Variants in NIPBL observed in about 807,000 individuals in gnomAD.
The protein encoded by NIPBL is NIPBL cohesin loading factor.
Under a neutral mutation model 321.8 loss-of-function variants are expected in NIPBL, and 19 were observed. That is an observed-to-expected ratio of 0.06 (90% confidence interval 0.04 to 0.09). The LOEUF is 0.09. Ranked by LOEUF, NIPBL falls within the 10% of genes least tolerant of loss-of-function variation. NIPBL has a pLI of 1.00. For missense variants in NIPBL, 2,210 were observed against 3,327.0 expected, an observed-to-expected ratio of 0.66 and a Z score of 8.26; for synonymous variants, 1,106 against 1,114.1, an observed-to-expected ratio of 0.99 and a Z score of 0.14.
intron 9 of NIPBL, among the ~76,000 whole-genome samples, chr5:36,979,529 G>A (rs1743901350): frequency 1.3e-5 from 2 of 151,748 alleles, no homozygotes; most frequent in African/African-American, 2.4e-5. Context: ...TGTCATCAGT[G>A]AACAGAGATA....
At position 37,011,895 on chromosome 5, in the gene NIPBL, C is replaced by A. The variant is rs377664100; in HGVS notation, c.4560+1670C>A. Among the ~76,000 whole-genome samples, 80 of 151,936 alleles carry A rather than the reference C, an allele frequency of 5.3e-4. 1 individual carries two copies. The South Asian group carries it at 0.016, about 31-fold the overall frequency. ...TAAAGCAAAAGTTTCTGTAGATACA[C>A]TTAGAAGTAAAATTAAGATAGTATA... is the stretch of plus-strand genomic sequence containing the variant. On this transcript the variant is annotated intron_variant, in intron 21 of 46. Coordinates refer to ENST00000282516, the MANE Select transcript of NIPBL (RefSeq NM_133433.4).
Position 36,972,032 on chromosome 5 carries a change from A to G in NIPBL, c.859A>G (p.Thr287Ala). ...PVCSPAGSEGTPKGSRPPLIL... is the reference protein window; with the variant it reads ...PVCSPAGSEGAPKGSRPPLIL... The stretch of plus-strand genomic sequence containing the variant: ...ATGCTCCCCTGCTGGAAGTGAAGGA[A>G]CTCCTAAAGGTACTACTGTAACTAA... The change falls in exon 8 of 47, where the codon ACT becomes GCT. Residue 287 changes from threonine (T) to alanine (A), a missense_variant. By Grantham distance (58) the Thr-to-Ala change is moderately conservative. Around this residue, in one of 14 missense-constraint regions of NIPBL, gnomAD observed 464 missense variants for 529.5 expected, o/e 0.88. Transcript: ENST00000282516. 1 of 1,609,156 alleles carries G rather than the reference A, an allele frequency of 6.2e-7. No individual in the cohort carries two copies. The highest frequency in any genetic ancestry group is 8.5e-7 in the Non-Finnish European group (1 of 1,175,778).
intron 1 of NIPBL, among the ~76,000 whole-genome samples, chr5:36,909,610 TAAAA>T (rs553275317): frequency 7.2e-4 from 110 of 151,884 alleles, no homozygotes; most frequent in African/African-American, 2.5e-3. Context: ...TAGTAAAAAC[TAAAA>T]AAAAGAACGA....
intron 1 of NIPBL, chr5:36,885,448 G>T (rs1745820744): frequency 2.1e-6 from 1 of 470,564 alleles, no homozygotes; most frequent in South Asian, 1.7e-5. Context: ...AGAACAAGGA[G>T]ACCCTCCAAA....
In NIPBL at chr5:36,955,622, T is replaced by C; in HGVS notation, c.215T>C (p.Val72Ala). The C allele has an allele frequency of 6.2e-7, 1 of 1,613,916 alleles. No homozygotes were observed. The highest frequency in any genetic ancestry group is 8.5e-7 in the Non-Finnish European group (1 of 1,179,898). The change falls in exon 3 of 47, where the codon GTA (valine) becomes GCA (alanine). Residue 72 changes from valine (V) to alanine (A), a missense_variant. Transcript: ENST00000282516. The stretch of plus-strand genomic sequence containing the variant: ...CAGCTTGTCCATAGCCTCAACCAGG[T>C]ATCAACAGATCACATGTAAGTATGA... Reference protein sequence around the residue: ...VSQLVHSLNQVSTDHIELKDN... With the variant: ...VSQLVHSLNQASTDHIELKDN...
Position 37,019,416 on chromosome 5 carries a change from C to T in NIPBL, c.5010+16C>T. ...TTCACTAGTGGTAGGATTCTTTTCC[C>T]CTGTTTTGGAGATACTACATGTTTA... On this transcript the variant is annotated intron_variant, in intron 25 of 46. Transcript: ENST00000282516. 6.3e-7 allele frequency: 1 copy of T among 1,583,512 alleles called. No individual in the cohort carries two copies. The highest frequency in any genetic ancestry group is 1.1e-5 in the South Asian group (1 of 90,410).
At chr5:37,029,037 G>A (rs1225751969) in intron 32 of NIPBL, among the ~76,000 whole-genome samples, 1 of 152,148 alleles carries the variant, frequency 6.6e-6, no homozygotes, top group East Asian at 1.9e-4. Flanking sequence ...GGCTTAATAT[G>A]ATTAAAGTTC....
chr5:37,024,196 G>C (rs1228430346), intron 29 of NIPBL, among the ~76,000 whole-genome samples: 1 of 151,656 alleles, frequency 6.6e-6, no homozygotes, highest in African/African-American at 2.4e-5. Context: ...CCATAAGATA[G>C]TGCCAAAGGT....
At chr5:36,971,825 A>G in intron 7 of NIPBL, 120 bp from the exon 8 acceptor site, 2 of 1,498,114 alleles carry the variant, frequency 1.3e-6, no homozygotes, top group Non-Finnish European at 1.8e-6. Flanking sequence ...CAGAAGAATT[A>G]TGCTTTTGAA....
At chr5:36,906,462 A>G (rs572693409) in intron 1 of NIPBL, among the ~76,000 whole-genome samples, 3 of 152,250 alleles carry the variant, frequency 2.0e-5, no homozygotes, top group Non-Finnish European at 2.9e-5. Context: ...TGTTGTCTCT[A>G]TTAGTCTTTT....
chr5:37,003,443 A>T, intron 16 of NIPBL, 96 bp downstream of exon 16: 1 of 719,688 alleles, frequency 1.4e-6, no homozygotes, highest in South Asian at 1.8e-5. Context: ...CCATTTTCTC[A>T]GTTACCTACA....
intron 16 of NIPBL, among the ~76,000 whole-genome samples, chr5:37,005,163 G>C (rs77635197): frequency 6.6e-6 from 1 of 152,034 alleles, no homozygotes; most frequent in Non-Finnish European, 1.5e-5. Context: ...TGTGGCCCAG[G>C]GAAGCCAAAA....
chr5:37,062,420 C>T (rs568788029), intron 45 of NIPBL, among the ~76,000 whole-genome samples: 1 of 151,062 alleles, frequency 6.6e-6, no homozygotes, highest in Non-Finnish European at 1.5e-5. Flanking sequence ...ATCAAGTATG[C>T]AAATGTATGT....
At chr5:36,909,388 T>C (rs1747876162) in intron 1 of NIPBL, among the ~76,000 whole-genome samples, 1 of 152,226 alleles carries the variant, frequency 6.6e-6, no homozygotes, top group South Asian at 2.1e-4. Context: ...TCTTTGAATC[T>C]TCTTATTTTG....
At position 36,877,046 on chromosome 5, in the gene NIPBL, C is replaced by G. The variant is rs1025811924; in HGVS notation, c.-212C>G. On this transcript the variant is annotated 5_prime_UTR_variant, in exon 1 of 47. Coordinates refer to ENST00000282516, the MANE Select transcript of NIPBL (RefSeq NM_133433.4). Reference sequence around the variant, plus strand: ...CGATTTGTCTTCTCGGCTGGTCTCCCCCCGGCTCTACATGTTCCCCGCACT... The same window carrying G: ...CGATTTGTCTTCTCGGCTGGTCTCCGCCCGGCTCTACATGTTCCCCGCACT... The G allele has an allele frequency of 2.8e-6, 1 of 358,528 alleles. No homozygotes were observed. The highest frequency in any genetic ancestry group is 2.1e-5 in the African/African-American group (1 of 46,792). 22.2% of individuals were successfully genotyped at this position (358,528 alleles called of 1,614,324 possible).
At position 36,922,984 on chromosome 5, in the gene NIPBL, A is replaced by AAACCAATTAAAGCTG. The variant is rs200860264; in HGVS notation, c.-79-30633_-79-30619dup. ...TTGAAAGAAAAGATTTGTTGTAACT[A>AAACCAATTAAAGCTG]AACCAATTAAAGCTGGCTTCTAGGC... On this transcript the variant is annotated intron_variant, in intron 1 of 46. Coordinates refer to ENST00000282516, the MANE Select transcript of NIPBL (RefSeq NM_133433.4). Among the ~76,000 whole-genome samples, 1,226 of 152,230 alleles carry AAACCAATTAAAGCTG rather than the reference A, an allele frequency of 8.1e-3. 10 individuals carry two copies. Among genetic ancestry groups the AAACCAATTAAAGCTG allele is most frequent in the African/African-American group, 0.028 (1,164 of 41,494 alleles).
chr5:37,049,305 A>G lies in NIPBL; in HGVS notation c.6954+4A>G. 1 of 1,613,982 alleles carries G rather than the reference A, an allele frequency of 6.2e-7. No homozygotes were observed. Among genetic ancestry groups the G allele is most frequent in the Non-Finnish European group, 8.5e-7 (1 of 1,179,922 alleles). ...AGGTCTTATTCATCCAGTTCAGGTA[A>G]GCATGTTTTATGGCAGCAGCACTTA... On this transcript the variant is annotated splice_donor_region_variant and intron_variant, in intron 40 of 46. Coordinates refer to ENST00000282516, the MANE Select transcript of NIPBL (RefSeq NM_133433.4).
chr5:36,939,266 G>T (rs1490286604), intron 1 of NIPBL, among the ~76,000 whole-genome samples: 1 of 152,182 alleles, frequency 6.6e-6, no homozygotes, highest in African/African-American at 2.4e-5. Flanking sequence ...GCCTCCTGAA[G>T]TTGGTATTAC....
intron 1 of NIPBL, among the ~76,000 whole-genome samples, chr5:36,952,389 C>G (rs1740483742): frequency 6.6e-6 from 1 of 151,970 alleles, no homozygotes; most frequent in South Asian, 2.1e-4. Context: ...AATCTTAGCT[C>G]TATGGTTTAG....
Sources: allele counts gnomAD v4.1 joint callset (sites outside exome capture counted in the v4.1 genomes callset), GRCh38; gene constraint gnomAD v4.1.1; regional missense constraint gnomAD v4.1.1; transcripts MANE v1.5; gene names NCBI Gene and HGNC (gene_info 2026-07-23, HGNC 2026-07-21).